MAP4K5: variants seen among roughly 807,000 people sequenced by gnomAD.
MAP4K5 encodes MAPK/ERK kinase kinase kinase 5.
In MAP4K5, 82 loss-of-function variants were observed where a neutral mutation model predicts 135.6. The ratio of observed to expected loss-of-function variants is 0.60; its 90% confidence interval spans 0.51 to 0.73. MAP4K5 has a LOEUF of 0.73. Among genes scored for constraint, MAP4K5 ranks in the 30% least tolerant of loss-of-function variants. MAP4K5 has a pLI of 0.00. For missense variants in MAP4K5, 907 were observed against 1,010.9 expected, an observed-to-expected ratio of 0.90 and a Z score of 1.39; for synonymous variants, 347 against 335.0, an observed-to-expected ratio of 1.04 and a Z score of -0.39.
chr14:50,440,303 A>T (rs2036196049), intron 22 of MAP4K5, 59 bp downstream of exon 22: 1 of 1,135,420 alleles, frequency 8.8e-7, no homozygotes, highest in Non-Finnish European at 1.3e-6. Context: ...ATTTAAAATT[A>T]AGACACTTCT....
chr14:50,506,023 T>A (rs1458297906), intron 2 of MAP4K5, among the ~76,000 whole-genome samples: 1 of 152,192 alleles, frequency 6.6e-6, no homozygotes, highest in Non-Finnish European at 1.5e-5. Context: ...CCGTGGTACA[T>A]CATATGTGGA....
intron 2 of MAP4K5, among the ~76,000 whole-genome samples, chr14:50,541,856 A>C (rs1405489832): frequency 6.6e-6 from 1 of 151,566 alleles, no homozygotes; most frequent in African/African-American, 2.4e-5. Flanking sequence ...AAATACAAAA[A>C]ATTAGCTGGG....
rs74050918 is a variant in MAP4K5 at position 50,465,539 on chromosome 14, C to T, written c.737+1044G>A. Among the ~76,000 whole-genome samples the T allele has an allele frequency of 7.2e-3, 1,095 of 151,902 alleles. 17 individuals carry two copies. The highest frequency in any genetic ancestry group is 0.025 in the African/African-American group (1,035 of 41,430). ...TAAGTAATAATCTTTTTGAGTATTACGTAAGGAAGAGAGGGAAAAACCAAC... is the reference window on the plus strand; with the variant it reads ...TAAGTAATAATCTTTTTGAGTATTATGTAAGGAAGAGAGGGAAAAACCAAC... On this transcript the variant is annotated intron_variant, in intron 11 of 32. Transcript: ENST00000682126.
upstream of MAP4K5, among the ~76,000 whole-genome samples, chr14:50,536,219 C>T (rs1007520617): frequency 3.3e-5 from 5 of 152,244 alleles, no homozygotes; most frequent in East Asian, 5.8e-4. Flanking sequence ...CCAAGGTGGG[C>T]GGATCATCTG....
chr14:50,552,383 A>T (rs1018635551), intron 1 of MAP4K5, among the ~76,000 whole-genome samples: 9 of 152,242 alleles, frequency 5.9e-5, no homozygotes, highest in African/African-American at 2.2e-4. Context: ...AAACAAATGG[A>T]AACACATCCC....
At chr14:50,540,959 T>G (rs1440228802) in intron 2 of MAP4K5, among the ~76,000 whole-genome samples, 1 of 152,206 alleles carries the variant, frequency 6.6e-6, no homozygotes, top group Non-Finnish European at 1.5e-5. Context: ...CCAAATTAGT[T>G]TTGGAGAATG....
chr14:50,506,581 C>T (rs970906328), intron 2 of MAP4K5, among the ~76,000 whole-genome samples: 1 of 152,144 alleles, frequency 6.6e-6, no homozygotes, highest in African/African-American at 2.4e-5. Context: ...CGGTCTCAAA[C>T]TCCTGGGTTC....
chr14:50,464,475 C>A (rs567540392), intron 11 of MAP4K5, among the ~76,000 whole-genome samples: 1 of 152,014 alleles, frequency 6.6e-6, no homozygotes, highest in Non-Finnish European at 1.5e-5. Context: ...AAATATTGTG[C>A]TATACCAAAA....
intron 14 of MAP4K5, among the ~76,000 whole-genome samples, chr14:50,455,411 A>C (rs1027874714): frequency 6.6e-6 from 1 of 152,060 alleles, no homozygotes; most frequent in Admixed American, 6.6e-5. Flanking sequence ...TTACAATGGA[A>C]TATCAACTTT....
chr14:50,495,863 T>C (rs1475712255), intron 3 of MAP4K5, among the ~76,000 whole-genome samples: 1 of 152,196 alleles, frequency 6.6e-6, no homozygotes, highest in African/African-American at 2.4e-5. Flanking sequence ...GGAGCCAAAT[T>C]CATAGATACC....
intron 18 of MAP4K5, 76 bp from the exon 19 acceptor site, chr14:50,444,112 C>T (rs566009260): frequency 3.0e-5 from 29 of 979,010 alleles, no homozygotes; most frequent in South Asian, 2.8e-4. Context: ...CCCCTTTCTC[C>T]CACTATTTGT....
At chr14:50,520,541 GT>G (rs1487774304) in intron 2 of MAP4K5, among the ~76,000 whole-genome samples, 7 of 152,126 alleles carry the variant, frequency 4.6e-5, no homozygotes, top group Admixed American at 2.0e-4. Flanking sequence ...TTCTCAGGCA[GT>G]CCTAATTATC....
intron 3 of MAP4K5, among the ~76,000 whole-genome samples, chr14:50,498,505 G>A (rs977598541): frequency 5.9e-5 from 9 of 152,084 alleles, no homozygotes; most frequent in Non-Finnish European, 1.0e-4. Flanking sequence ...TAATAAACGC[G>A]ATTTTCTGTG....
In MAP4K5 at chr14:50,464,000, A is replaced by AT. The variant is rs2036773848; in HGVS notation, c.819+51dup. On this transcript the variant is annotated intron_variant, in intron 12 of 32. Transcript: ENST00000682126. Reference sequence around the variant, plus strand: ...AAACATAAATACTTTTGTTCTACTGATATGTCTAATTTATGACTATAGGAA... The same window carrying AT: ...AAACATAAATACTTTTGTTCTACTGATTATGTCTAATTTATGACTATAGGAA... 4 of 956,388 alleles carry AT rather than the reference A, an allele frequency of 4.2e-6. No homozygotes were observed. In the Middle Eastern group the frequency reaches 6.4e-4, roughly 153 times the overall value. The allele number at this position is 956,388 out of a possible 1,614,324, so 59.2% of individuals were successfully genotyped here. A position where few individuals can be genotyped will look rare whatever the true frequency, so the allele number is the denominator to read the frequency against.
chr14:50,512,598 C>T (rs960249952), intron 2 of MAP4K5, among the ~76,000 whole-genome samples: 4 of 152,052 alleles, frequency 2.6e-5, no homozygotes, highest in Admixed American at 2.0e-4. Context: ...AATGAAGAAC[C>T]GATGGGCAAA....
At chr14:50,547,354 TG>T (rs1283479196) in intron 1 of MAP4K5, among the ~76,000 whole-genome samples, 2 of 152,150 alleles carry the variant, frequency 1.3e-5, no homozygotes, top group Admixed American at 6.6e-5. Context: ...TAGAGGGCAT[TG>T]GTTGTACTTC....
At chr14:50,517,876 T>C (rs1225781864) in intron 2 of MAP4K5, among the ~76,000 whole-genome samples, 1 of 152,236 alleles carries the variant, frequency 6.6e-6, no homozygotes, top group African/African-American at 2.4e-5. Flanking sequence ...CATTTTACTT[T>C]TATTATAAAT....
In MAP4K5 at chr14:50,438,078, G is replaced by C; in HGVS notation, c.1708+14C>G. The C allele has an allele frequency of 1.1e-6, 1 of 917,826 alleles. No homozygotes were observed. Among genetic ancestry groups the C allele is most frequent in the Non-Finnish European group, 1.8e-6 (1 of 548,738 alleles). The allele number at this position is 917,826 out of a possible 1,614,324, so 56.9% of individuals were successfully genotyped here. On this transcript the variant is annotated intron_variant, in intron 24 of 32. Coordinates refer to ENST00000682126, the MANE Select transcript of MAP4K5 (RefSeq NM_006575.6). ...AGAGAAATACAATTTTCGAGAAAAAGAAAACGTAATTACCTTCTAAAACGA... is the reference window on the plus strand; with the variant it reads ...AGAGAAATACAATTTTCGAGAAAAACAAAACGTAATTACCTTCTAAAACGA...
At chr14:50,476,235 T>C (rs769481241) in intron 7 of MAP4K5, 24 bp downstream of exon 7, 2 of 1,491,012 alleles carry the variant, frequency 1.3e-6, no homozygotes, top group Non-Finnish European at 1.8e-6. Context: ...GAATTGGCAA[T>C]TTAAATGTAT....
Sources: gnomAD v4.1 joint callset for allele counts (sites outside exome capture counted in the v4.1 genomes callset) on GRCh38, gnomAD v4.1.1 for gene constraint, MANE v1.5 for transcripts, NCBI Gene and HGNC (gene_info 2026-07-23, HGNC 2026-07-21) for gene names.